The following ZNF544 variants were observed in gnomAD, a reference collection of about 807,000 sequenced individuals.
ZNF544 encodes the protein zinc finger protein 544.
ZNF544 carries 10 observed loss-of-function variants against 13.5 expected under a neutral mutation model. The observed-to-expected ratio is 0.74, with a 90% CI of 0.46 to 1.25. The LOEUF is 1.25. Ranked by LOEUF, ZNF544 falls within the 50% of genes most tolerant of loss-of-function variation. The pLI is 0.00. For synonymous variants in ZNF544, 323 were observed against 300.5 expected, an observed-to-expected ratio of 1.07 and a Z score of -0.77; for missense variants, 896 against 845.6, an observed-to-expected ratio of 1.06 and a Z score of -0.74.
chr19:58,249,546 G>A (rs1286320361), intron 6 of ZNF544, among the ~76,000 whole-genome samples: 4 of 152,208 alleles, frequency 2.6e-5, no homozygotes, highest in Admixed American at 2.6e-4. Flanking sequence ...CTGGCCAGAG[G>A]AAGGAGCCAT....
downstream of ZNF544, among the ~76,000 whole-genome samples, chr19:58,264,876 C>T (rs1428610177): frequency 6.6e-6 from 1 of 151,670 alleles, no homozygotes; most frequent in African/African-American, 2.4e-5. Flanking sequence ...TGGAGCTGCA[C>T]ACCTGTAGTC....
At position 58,231,195 on chromosome 19, in the gene ZNF544, C is replaced by T. The variant is rs939077186; in HGVS notation, c.-60+733C>T. Among the ~76,000 whole-genome samples, 8 of 151,550 alleles carry T rather than the reference C, an allele frequency of 5.3e-5. No homozygotes were observed. The East Asian group carries it at 1.6e-3, about 30-fold the overall frequency. On this transcript the variant is annotated intron_variant, in intron 3 of 6. Coordinates refer to ENST00000687789, the MANE Select transcript of ZNF544 (RefSeq NM_014480.4). Reference sequence around the variant, plus strand: ...AGGATGTTAAGAAAAAGAACAGGGGCATTGGGCTGGGCTGGGGTGGGGTGT... The same window carrying T: ...AGGATGTTAAGAAAAAGAACAGGGGTATTGGGCTGGGCTGGGGTGGGGTGT...
At chr19:58,277,400 T>G (rs2051291219) in exon 7 of ZNF544, 1 of 486,076 alleles carries the variant, frequency 2.1e-6, no homozygotes, top group South Asian at 1.1e-4. Flanking sequence ...TCCCTCAGAC[T>G]ACACCATCAG....
At chr19:58,264,529 T>A (rs2049595721), downstream of ZNF544, among the ~76,000 whole-genome samples, 1 of 150,402 alleles carries the variant, frequency 6.6e-6, no homozygotes, top group Admixed American at 6.6e-5. Context: ...CCATTTCTAC[T>A]AAAAATACAA....
At chr19:58,252,283 C>CT (rs1420468426) in intron 6 of ZNF544, among the ~76,000 whole-genome samples, 3 of 152,314 alleles carry the variant, frequency 2.0e-5, no homozygotes, top group African/African-American at 4.8e-5. Context: ...GTACATTCTA[C>CT]TTTTTTTACA....
intron 6 of ZNF544, chr19:58,247,752 G>T (rs2045564755): frequency 6.6e-6 from 1 of 151,972 alleles, no homozygotes; most frequent in African/African-American, 2.4e-5. Flanking sequence ...CAGGCTAATA[G>T]ACTTTATTTT....
chr19:58,232,921 T>C (rs1600201756), intron 3 of ZNF544, among the ~76,000 whole-genome samples: 1 of 119,006 alleles, frequency 8.4e-6, no homozygotes. Context: ...CACTCCAGCC[T>C]GGGCGACAGA....
Position 58,260,989 on chromosome 19 carries a change from A to G in ZNF544, c.383A>G (p.Gln128Arg). The G allele has an allele frequency of 6.2e-7, 1 of 1,614,248 alleles. No individual in the cohort carries two copies. The highest frequency in any genetic ancestry group is 8.5e-7 in the Non-Finnish European group (1 of 1,180,046). ...TTGGTATTAGGAAAAGTGCAAGATC[A>G]GAGCAACCAGTTAAGGGAACACCAG... is the stretch of plus-strand genomic sequence containing the variant. ...PSLVLGKVQD[Q>R]SNQLREHQEN... The change falls in exon 7 of 7, where the codon CAG becomes CGG. Residue 128 changes from glutamine to arginine, a missense_variant. Coordinates refer to ENST00000687789, the MANE Select transcript of ZNF544 (RefSeq NM_014480.4).
intron 3 of ZNF544, among the ~76,000 whole-genome samples, chr19:58,233,126 C>T (rs540288845): frequency 2.0e-5 from 3 of 152,062 alleles, no homozygotes; most frequent in Middle Eastern, 3.4e-3. Flanking sequence ...CAGGGGAGCT[C>T]CTCTTTGTAA....
chr19:58,262,845 G>C lies in ZNF544; in HGVS notation c.*91G>C, dbSNP rs2049289720. 3 of 1,511,434 alleles carry C rather than the reference G, an allele frequency of 2.0e-6. No homozygotes were observed. The highest frequency in any genetic ancestry group is 2.6e-6 in the Non-Finnish European group (3 of 1,134,294). 93.6% of individuals were successfully genotyped at this position (1,511,434 alleles called of 1,614,324 possible). On this transcript the variant is annotated 3_prime_UTR_variant, in exon 7 of 7. Coordinates refer to ENST00000687789, the MANE Select transcript of ZNF544 (RefSeq NM_014480.4). ...TGTCGGTGGGAAGAGCTATCAGTGT[G>C]ACGTGTATTAAGCCAGCGGTTGTGA...
At chr19:58,233,579 TCTACACA>T (rs1445550784) in intron 3 of ZNF544, among the ~76,000 whole-genome samples, 1 of 152,228 alleles carries the variant, frequency 6.6e-6, no homozygotes, top group East Asian at 1.9e-4. Context: ...TATAGATTTA[TCTACACA>T]CTTCTGTCTG....
rs762979567 is a variant in ZNF544, at chr19:58,262,054, A to G, written c.1448A>G (p.Lys483Arg). Residue 483 changes from lysine (K) to arginine (R), a missense_variant, in exon 7 of 7, where the codon AAA becomes AGA. Coordinates refer to ENST00000687789, the MANE Select transcript of ZNF544 (RefSeq NM_014480.4). ...FSQSYELVTH[K>R]RTHTGEKPFK... ...CAAAGCTATGAGTTAGTTACACATAAAAGAACGCACACTGGAGAAAAACCC... is the reference window on the plus strand; with the variant it reads ...CAAAGCTATGAGTTAGTTACACATAGAAGAACGCACACTGGAGAAAAACCC... The G allele has an allele frequency of 1.8e-5, 29 of 1,611,978 alleles. No homozygotes were observed. Among genetic ancestry groups the G allele is most frequent in the African/African-American group, 2.7e-5 (2 of 74,124 alleles).
intron 4 of ZNF544, among the ~76,000 whole-genome samples, chr19:58,245,610 T>C (rs994910343): frequency 6.6e-6 from 1 of 152,248 alleles, no homozygotes; most frequent in African/African-American, 2.4e-5. Context: ...AATCACCTTC[T>C]TCAACAGTCA....
rs1438602095 is a variant in ZNF544, at chr19:58,261,114, A to G, written c.508A>G (p.Thr170Ala). 6.2e-7 allele frequency: 1 copy of G among 1,614,158 alleles called. No individual in the cohort carries two copies. The highest frequency in any genetic ancestry group is 1.7e-5 in the Admixed American group (1 of 60,000). ...ELGGGYSLPSTLSLLPTTLPT... is the reference protein window; with the variant it reads ...ELGGGYSLPSALSLLPTTLPT... ...TGGGGGAGGTTATTCTCTACCTTCT[A>G]CTTTAAGCCTTCTACCTACAACATT... is the stretch of plus-strand genomic sequence containing the variant. Residue 170 changes from threonine (T) to alanine (A), a missense_variant, in exon 7 of 7, where the codon ACT becomes GCT. Physicochemically the swap from Thr to Ala is moderately conservative, Grantham distance 58. Transcript: ENST00000687789.
At position 58,243,946 on chromosome 19, in the gene ZNF544, T is replaced by C; in HGVS notation, c.-59-19T>C. On this transcript the variant is annotated intron_variant, in intron 3 of 6. Transcript: ENST00000687789. ...TGCAGGAGCCGAGGGGCTGAATCTC[T>C]GCTTGTTTTCCACCCCAGACTGGTC... 6.5e-7 allele frequency: 1 copy of C among 1,534,774 alleles called. No individual in the cohort carries two copies. Among genetic ancestry groups the C allele is most frequent in the Non-Finnish European group, 8.8e-7 (1 of 1,136,282 alleles).
At chr19:58,270,421 C>T (rs1056100375) in intron 5 of ZNF544, among the ~76,000 whole-genome samples, 4 of 151,910 alleles carry the variant, frequency 2.6e-5, no homozygotes, top group Admixed American at 2.0e-4. Flanking sequence ...CCTGCCTCAG[C>T]CTCCTGAGTA....
rs771168644 is a variant in ZNF544, at chr19:58,262,425, A to G, written c.1819A>G (p.Asn607Asp). The stretch of plus-strand genomic sequence containing the variant: ...CACTGGAGAAAAGCCCTATGAATGT[A>G]ACGAGTGTGGAAAAGCCTTCAATCG... Reference protein sequence around the residue: ...THTGEKPYECNECGKAFNRST... With the variant: ...THTGEKPYECDECGKAFNRST... Residue 607 changes from asparagine to aspartate, a missense_variant, in exon 7 of 7, where the codon AAC (asparagine) becomes GAC (aspartate). Transcript: ENST00000687789. 18 of 1,614,114 alleles carry G rather than the reference A, an allele frequency of 1.1e-5. No individual in the cohort carries two copies. In the Admixed American group the frequency reaches 3.0e-4, roughly 27 times the overall value.
downstream of ZNF544, among the ~76,000 whole-genome samples, chr19:58,268,800 A>G (rs1453458619): frequency 1.3e-5 from 2 of 152,260 alleles, no homozygotes; most frequent in Middle Eastern, 3.2e-3. Context: ...TCCAGCACAA[A>G]TAACTTGGTT....
In ZNF544 at chr19:58,262,043, AG is replaced by A. The variant is rs2049071119; in HGVS notation, c.1438del (p.Val480LeufsTer112). The A allele has an allele frequency of 1.9e-6, 3 of 1,611,974 alleles. No homozygotes were observed. Among genetic ancestry groups the A allele is most frequent in the Non-Finnish European group, 2.5e-6 (3 of 1,179,554 alleles). On this transcript the variant is annotated frameshift_variant, in exon 7 of 7. Transcript: ENST00000687789. LOFTEE classifies it low-confidence loss of function (END_TRUNC). Reference sequence around the variant, plus strand: ...AGTCCTTCAGCCAAAGCTATGAGTTAGTTACACATAAAAGAACGCACACTGG... The same window carrying A: ...AGTCCTTCAGCCAAAGCTATGAGTTATTACACATAAAAGAACGCACACTGG... ...GKSFSQSYEL[V>X]THKRTHTGEK...
Sources: gnomAD v4.1 joint callset for allele counts (sites outside exome capture counted in the v4.1 genomes callset) on GRCh38, gnomAD v4.1.1 for gene constraint, MANE v1.5 for transcripts, NCBI Gene and HGNC (gene_info 2026-07-23, HGNC 2026-07-21) for gene names.